PTPN14: variants seen among roughly 807,000 people sequenced by gnomAD.
PTPN14 encodes the protein tyrosine-protein phosphatase non-receptor type 14.
Under a neutral mutation model 126.8 loss-of-function variants are expected in PTPN14, and 53 were observed. The observed-to-expected ratio is 0.42, with a 90% confidence interval of 0.34 to 0.53. The LOEUF (loss-of-function observed/expected upper bound fraction) is 0.53, where lower values mean the gene tolerates loss of function less well. Ranked by LOEUF, PTPN14 falls within the 20% of genes least tolerant of loss-of-function variation. The probability of loss-of-function intolerance (pLI) is 0.08; values close to 1 mark genes in which losing one functional copy is unlikely to be tolerated. For missense variants in PTPN14, 1,257 were observed against 1,552.9 expected (o/e 0.81, Z 3.20); for synonymous variants, 630 against 599.3 (o/e 1.05, Z -0.75).
intron 11 of PTPN14, among the ~76,000 whole-genome samples, chr1:214,389,933 C>G (rs1334938352): frequency 6.6e-6 from 1 of 152,154 alleles, no homozygotes; most frequent in African/African-American, 2.4e-5. Context: ...GTGCATAATA[C>G]TGAGAGAAAT....
chr1:214,372,753 C>T lies in PTPN14; in HGVS notation c.2994G>A (p.Trp998Ter), dbSNP rs1238492148. 6.2e-7 allele frequency: 1 copy of T among 1,614,002 alleles called. No individual in the cohort carries two copies. The highest frequency in any genetic ancestry group is 1.7e-5 in the Admixed American group (1 of 59,990). Reference sequence around the variant, plus strand: ...TGGCAATCACATTCACTCCCTGCTCCCACACCATCTGCCAGAAGTCGTGGC... The same window carrying T: ...TGGCAATCACATTCACTCCCTGCTCTCACACCATCTGCCAGAAGTCGTGGC... ...HTCHDFWQMV[W>*]EQGVNVIAMV... Residue 998 changes from tryptophan to a stop codon, truncating the protein, a stop_gained, in exon 16 of 19, where the codon TGG becomes TGA. Transcript: ENST00000366956. LOFTEE classifies it high-confidence loss of function.
chr1:214,450,588 T>C (rs1341550094), intron 3 of PTPN14, among the ~76,000 whole-genome samples: 1 of 152,094 alleles, frequency 6.6e-6, no homozygotes, highest in Non-Finnish European at 1.5e-5. Flanking sequence ...ATCTAAAAAC[T>C]ACACAAAAGT....
intron 1 of PTPN14, among the ~76,000 whole-genome samples, chr1:214,470,406 A>C (rs1181840811): frequency 6.6e-6 from 1 of 152,164 alleles, no homozygotes; most frequent in Admixed American, 6.6e-5. Context: ...GCATCTTATA[A>C]AGAAAAGTAG....
At chr1:214,385,073 A>G (rs1361635121) in intron 12 of PTPN14, among the ~76,000 whole-genome samples, 2 of 152,186 alleles carry the variant, frequency 1.3e-5, no homozygotes, top group Non-Finnish European at 2.9e-5. Flanking sequence ...CAATTTTGCC[A>G]TAAGCTTTGA....
intron 1 of PTPN14, among the ~76,000 whole-genome samples, chr1:214,491,051 AAGAAAAAC>A (rs1182568715): frequency 1.5e-4 from 22 of 150,762 alleles, no homozygotes; most frequent in Non-Finnish European, 1.8e-4. Context: ...GAAAGAAAGA[AAGAAAAAC>A]AAAGAAAGAA....
intron 3 of PTPN14, among the ~76,000 whole-genome samples, chr1:214,424,490 G>A (rs1323338128): frequency 6.6e-6 from 1 of 151,798 alleles, no homozygotes; most frequent in African/African-American, 2.4e-5. Flanking sequence ...CCATAGCATG[G>A]ACCTGTGGTG....
chr1:214,492,407 C>A (rs1661270693), intron 1 of PTPN14, among the ~76,000 whole-genome samples: 2 of 152,142 alleles, frequency 1.3e-5, no homozygotes, highest in South Asian at 4.1e-4. Context: ...GAGTTACAAA[C>A]CTGTAGAGAC....
intron 1 of PTPN14, among the ~76,000 whole-genome samples, chr1:214,533,727 A>T (rs1655621833): frequency 6.6e-6 from 1 of 151,742 alleles, no homozygotes; most frequent in Admixed American, 6.6e-5. Flanking sequence ...GTCCCAAATA[A>T]TCTGGAGACT....
chr1:214,362,460 C>T (rs1374708836), intron 18 of PTPN14, among the ~76,000 whole-genome samples: 1 of 152,234 alleles, frequency 6.6e-6, no homozygotes, highest in Non-Finnish European at 1.5e-5. Flanking sequence ...CACCCTGAGC[C>T]TTCACCAAGT....
In PTPN14 at chr1:214,393,790, G is replaced by A; in HGVS notation, c.847-13C>T. ...TTTCGATATCATCCTTGGAAAAGAA[G>A]AGACAGAGAAAAAAATAAACATTTG... On this transcript the variant is annotated splice_polypyrimidine_tract_variant and intron_variant, in intron 9 of 18. Transcript: ENST00000366956. 6.4e-7 allele frequency: 1 copy of A among 1,550,720 alleles called. No homozygotes were observed. The highest frequency in any genetic ancestry group is 8.9e-7 in the Non-Finnish European group (1 of 1,123,498).
chr1:214,370,009 G>A (rs1012607741), intron 16 of PTPN14, among the ~76,000 whole-genome samples: 2 of 152,238 alleles, frequency 1.3e-5, no homozygotes, highest in African/African-American at 2.4e-5. Flanking sequence ...AGCCGGGCGT[G>A]GCGGCTCACG....
chr1:214,496,567 T>C (rs1654519102), intron 1 of PTPN14, among the ~76,000 whole-genome samples: 1 of 152,228 alleles, frequency 6.6e-6, no homozygotes, highest in South Asian at 2.1e-4. Context: ...TATTTTCAAA[T>C]GAAATATTAC....
intron 4 of PTPN14, among the ~76,000 whole-genome samples, chr1:214,413,946 G>A (rs895499969): frequency 2.6e-5 from 4 of 151,954 alleles, no homozygotes; most frequent in African/African-American, 9.7e-5. Flanking sequence ...TGGGATTACA[G>A]GCATGAGCCA....
chr1:214,541,936 A>G (rs954176330), intron 1 of PTPN14, among the ~76,000 whole-genome samples: 4 of 152,196 alleles, frequency 2.6e-5, no homozygotes, highest in African/African-American at 9.7e-5. Context: ...AATCATAAGC[A>G]GTTTTTAAAT....
intron 3 of PTPN14, among the ~76,000 whole-genome samples, chr1:214,416,432 C>T (rs1419851105): frequency 3.3e-5 from 5 of 152,180 alleles, no homozygotes; most frequent in Admixed American, 6.5e-5. Context: ...AAAACAACAG[C>T]TCTAGTTCTT....
At position 214,413,248 on chromosome 1, in the gene PTPN14, C is replaced by T. The variant is rs143365600; in HGVS notation, c.442+1381G>A. On this transcript the variant is annotated intron_variant, in intron 4 of 18. Coordinates refer to ENST00000366956, the MANE Select transcript of PTPN14 (RefSeq NM_005401.5). ...GACATATTGATCTTCTCCATTATTT[C>T]AACAATGCTACCTCTGATTTCTCTA... Among the ~76,000 whole-genome samples, 604 of 152,316 alleles carry T rather than the reference C, an allele frequency of 4.0e-3. 2 individuals are homozygous for T. Among genetic ancestry groups the T allele is most frequent in the African/African-American group, 0.014 (572 of 41,576 alleles).
intron 1 of PTPN14, among the ~76,000 whole-genome samples, chr1:214,494,645 C>T (rs760937531): frequency 6.6e-5 from 10 of 152,062 alleles, no homozygotes; most frequent in East Asian, 1.9e-4. Context: ...AGAGATGACA[C>T]GGAATTGGTC....
At position 214,394,950 on chromosome 1, in the gene PTPN14, C is replaced by T. The variant is rs375615473; in HGVS notation, c.795G>A (p.Ser265=). ...NDMGNITHNK[S]TILVELINKE... ...TGTTGATGAGCTCCACTAGAATGGT[C>T]GACTTGTTATGAGTGATATTCCCCA... Residue 265 remains serine (S), a synonymous_variant, in exon 9 of 19, where the codon TCG becomes TCA. Coordinates refer to ENST00000366956, the MANE Select transcript of PTPN14 (RefSeq NM_005401.5). 5 of 1,613,524 alleles carry T rather than the reference C, an allele frequency of 3.1e-6. No homozygotes were observed. The highest frequency in any genetic ancestry group is 2.2e-5 in the East Asian group (1 of 44,864).
chr1:214,385,622 T>A (rs1224427454), intron 12 of PTPN14, among the ~76,000 whole-genome samples: 1 of 152,058 alleles, frequency 6.6e-6, no homozygotes, highest in Non-Finnish European at 1.5e-5. Context: ...GAAGGCAACC[T>A]CTTGCCTTTC....
Sources: gnomAD v4.1 joint callset for allele counts (sites outside exome capture counted in the v4.1 genomes callset) on GRCh38, gnomAD v4.1.1 for gene constraint, MANE v1.5 for transcripts, NCBI Gene and HGNC (gene_info 2026-07-23, HGNC 2026-07-21) for gene names.